FNDC3B: variants seen among roughly 807,000 people sequenced by gnomAD.
The protein encoded by FNDC3B is fibronectin type III domain-containing protein 3B.
In FNDC3B, 12 loss-of-function variants were observed where a neutral mutation model predicts 151.5. The ratio of observed to expected loss-of-function variants is 0.08; its 90% CI spans 0.05 to 0.13. The LOEUF (loss-of-function observed/expected upper bound fraction) is 0.13, where lower values mean the gene tolerates loss of function less well. Ranked by LOEUF, FNDC3B falls within the 10% of genes least tolerant of loss-of-function variation. The probability of loss-of-function intolerance (pLI) is 1.00; values close to 1 mark genes in which losing one functional copy is unlikely to be tolerated. For synonymous variants in FNDC3B, 528 were observed against 549.0 expected, an observed-to-expected ratio of 0.96 and a Z score of 0.54; for missense variants, 1,214 against 1,505.3, an observed-to-expected ratio of 0.81 and a Z score of 3.20.
chr3:172,278,729 C>A (rs6800129), intron 6 of FNDC3B, among the ~76,000 whole-genome samples: 1 of 151,906 alleles, frequency 6.6e-6, no homozygotes, highest in Non-Finnish European at 1.5e-5. Flanking sequence ...GAGTTTGAGA[C>A]CAGCCTGGCC....
rs1732899196 is a variant in FNDC3B, at chr3:172,335,145, A to G, written c.1780+63A>G. 2.7e-6 allele frequency: 4 copies of G among 1,499,596 alleles called. No homozygotes were observed. The South Asian group carries it at 5.3e-5, about 20-fold the overall frequency. 92.9% of individuals were successfully genotyped at this position (1,499,596 alleles called of 1,614,324 possible). On this transcript the variant is annotated intron_variant, in intron 15 of 25. Coordinates refer to ENST00000415807, the MANE Select transcript of FNDC3B (RefSeq NM_022763.4). The stretch of plus-strand genomic sequence containing the variant: ...TTTTCTTTTGATAGATTTTTAAAAA[A>G]TGATTCATTTTAGTAGTGACAAGCC...
Position 172,276,025 on chromosome 3 carries a change from G to T in FNDC3B, c.791-9901G>T, listed in dbSNP as rs551353838. Among the ~76,000 whole-genome samples, 251 of 152,242 alleles carry T rather than the reference G, an allele frequency of 1.6e-3. 1 individual carries two copies. The highest frequency in any genetic ancestry group is 5.9e-3 in the African/African-American group (247 of 41,538). ...AAGATCATTTTAAGATAGCTTTTGG[G>T]TTATGAGTTTGCTTTGTTTCTGCTT... On this transcript the variant is annotated intron_variant, in intron 6 of 25. Coordinates refer to ENST00000415807, the MANE Select transcript of FNDC3B (RefSeq NM_022763.4).
chr3:172,074,595 A>T (rs900365808), intron 1 of FNDC3B, among the ~76,000 whole-genome samples: 4 of 152,306 alleles, frequency 2.6e-5, no homozygotes, highest in Non-Finnish European at 5.9e-5. Flanking sequence ...GTATGATTTC[A>T]TGGTGGAGGA....
intron 1 of FNDC3B, among the ~76,000 whole-genome samples, chr3:172,068,727 A>G (rs1717629472): frequency 6.6e-6 from 1 of 152,174 alleles, no homozygotes; most frequent in South Asian, 2.1e-4. Flanking sequence ...GCCCGGCCAG[A>G]GGAGCCCTCA....
intron 6 of FNDC3B, 23 bp downstream of exon 6, chr3:172,251,564 T>C: frequency 6.3e-7 from 1 of 1,579,468 alleles, no homozygotes; most frequent in Non-Finnish European, 8.6e-7. Context: ...ATGTTTGCCA[T>C]AGAGTGAATT....
At chr3:172,256,361 T>G (rs532069456) in intron 6 of FNDC3B, among the ~76,000 whole-genome samples, 1 of 152,218 alleles carries the variant, frequency 6.6e-6, no homozygotes, top group Admixed American at 6.5e-5. Context: ...GTTTTTGCCT[T>G]CCTTTTCTCT....
chr3:172,064,984 C>T (rs1168485594), intron 1 of FNDC3B, among the ~76,000 whole-genome samples: 1 of 152,150 alleles, frequency 6.6e-6, no homozygotes, highest in Non-Finnish European at 1.5e-5. Flanking sequence ...TATGTGACCC[C>T]ATGTTTATTG....
At chr3:172,097,113 T>C (rs1054543237) in intron 1 of FNDC3B, among the ~76,000 whole-genome samples, 3 of 152,202 alleles carry the variant, frequency 2.0e-5, no homozygotes, top group African/African-American at 7.2e-5. Flanking sequence ...CCCATTTGAT[T>C]GACAGCGAGT....
intron 25 of FNDC3B, among the ~76,000 whole-genome samples, chr3:172,388,433 C>G (rs1270455492): frequency 1.3e-5 from 2 of 152,078 alleles, no homozygotes; most frequent in African/African-American, 4.8e-5. Context: ...TGTTTCTATA[C>G]TTATTACAAT....
intron 1 of FNDC3B, among the ~76,000 whole-genome samples, chr3:172,070,445 G>T (rs1717712123): frequency 6.6e-6 from 1 of 152,086 alleles, no homozygotes; most frequent in South Asian, 2.1e-4. Flanking sequence ...AGATAAACAA[G>T]ATCCAAAACC....
intron 3 of FNDC3B, among the ~76,000 whole-genome samples, chr3:172,137,675 G>A (rs1298960085): frequency 2.6e-5 from 4 of 152,140 alleles, no homozygotes; most frequent in African/African-American, 4.8e-5. Context: ...GTTTTTATGG[G>A]AATGTCCTTG....
chr3:172,335,246 A>G, intron 15 of FNDC3B, 164 bp downstream of exon 15: 1 of 540,682 alleles, frequency 1.8e-6, no homozygotes, highest in East Asian at 3.4e-5. Flanking sequence ...TGAGAATTCT[A>G]CAAATTGGAA....
chr3:172,143,735 C>T (rs1031095798), intron 3 of FNDC3B, among the ~76,000 whole-genome samples: 1 of 151,864 alleles, frequency 6.6e-6, no homozygotes, highest in Non-Finnish European at 1.5e-5. Context: ...ATGGTGAAAC[C>T]TTGTCTCAAC....
chr3:172,374,821 T>G (rs1326595223), intron 23 of FNDC3B, among the ~76,000 whole-genome samples: 1 of 152,212 alleles, frequency 6.6e-6, no homozygotes, highest in Non-Finnish European at 1.5e-5. Context: ...TGTTTCATAG[T>G]CTACAGAGCC....
At chr3:172,080,306 T>C (rs1410972585) in intron 1 of FNDC3B, among the ~76,000 whole-genome samples, 2 of 152,138 alleles carry the variant, frequency 1.3e-5, no homozygotes, top group East Asian at 3.9e-4. Context: ...AGTCTTGCTT[T>C]GTCACTCAGG....
At position 172,226,926 on chromosome 3, in the gene FNDC3B, G is replaced by T; in HGVS notation, c.243G>T (p.Val81=). Reference sequence around the variant, plus strand: ...ATGGATCCATTCCTCCCATTCATGTGCCTCCAGGTTATATCTCACAGGTAA... The same window carrying T: ...ATGGATCCATTCCTCCCATTCATGTTCCTCCAGGTTATATCTCACAGGTAA... ...SPNGSIPPIH[V]PPGYISQVIE... is the part of the protein sequence containing the mutation. Residue 81 remains valine, a synonymous_variant, in exon 4 of 26, where the codon GTG becomes GTT. Coordinates refer to ENST00000415807, the MANE Select transcript of FNDC3B (RefSeq NM_022763.4). 6.2e-7 allele frequency: 1 copy of T among 1,611,434 alleles called. No homozygotes were observed. The highest frequency in any genetic ancestry group is 8.5e-7 in the Non-Finnish European group (1 of 1,177,550).
chr3:172,106,697 A>G (rs1177070160), intron 1 of FNDC3B, among the ~76,000 whole-genome samples: 2 of 152,202 alleles, frequency 1.3e-5, no homozygotes, highest in African/African-American at 4.8e-5. Context: ...CATTCTTCCT[A>G]GTATATAATT....
chr3:172,333,187 A>G lies in FNDC3B; in HGVS notation c.1641+12A>G, dbSNP rs768462590. ...AGTATAAATTCAGGGTGAGTCAGTC[A>G]TTTTGCTACCTGAACTGCTTAAAAA... On this transcript the variant is annotated intron_variant, in intron 14 of 25. Coordinates refer to ENST00000415807, the MANE Select transcript of FNDC3B (RefSeq NM_022763.4). 6.5e-7 allele frequency: 1 copy of G among 1,526,752 alleles called. No individual in the cohort carries two copies. Among genetic ancestry groups the G allele is most frequent in the Non-Finnish European group, 9.1e-7 (1 of 1,100,340 alleles). 94.6% of individuals were successfully genotyped at this position (1,526,752 alleles called of 1,614,324 possible). A position where few individuals can be genotyped will look rare whatever the true frequency, so the allele number is the denominator to read the frequency against.
chr3:172,373,006 C>T (rs1042603890), intron 23 of FNDC3B, among the ~76,000 whole-genome samples: 3 of 152,128 alleles, frequency 2.0e-5, no homozygotes, highest in African/African-American at 7.2e-5. Flanking sequence ...CCCTGTGCTC[C>T]ACTTCCTCCA....
Sources: gnomAD v4.1 joint callset for allele counts (sites outside exome capture counted in the v4.1 genomes callset) on GRCh38, gnomAD v4.1.1 for gene constraint, MANE v1.5 for transcripts, NCBI Gene and HGNC (gene_info 2026-07-23, HGNC 2026-07-21) for gene names.